GALNTL6: variants seen among roughly 807,000 people sequenced by gnomAD.
The protein encoded by GALNTL6 is polypeptide N-acetylgalactosaminyltransferase-like 6.
GALNTL6 carries 46 observed loss-of-function variants against 73.7 expected under a neutral mutation model. That is an observed-to-expected ratio of 0.62 (90% CI 0.49 to 0.80). The LOEUF is 0.80. Ranked by LOEUF, GALNTL6 falls within the 30% of genes least tolerant of loss-of-function variation. GALNTL6 has a pLI of 0.00. For synonymous variants in GALNTL6, 259 were observed against 263.7 expected (o/e 0.98, Z 0.17); for missense variants, 604 against 755.0 (o/e 0.80, Z 2.34).
chr4:172,037,052 TA>T (rs1741947094), intron 2 of GALNTL6, among the ~76,000 whole-genome samples: 1 of 152,128 alleles, frequency 6.6e-6, no homozygotes, highest in Admixed American at 6.6e-5. Flanking sequence ...ATTAGATGAT[TA>T]TACATTTCCT....
intron 7 of GALNTL6, among the ~76,000 whole-genome samples, chr4:172,839,020 C>A (rs542677675): frequency 6.6e-6 from 1 of 152,252 alleles, no homozygotes; most frequent in South Asian, 2.1e-4. Flanking sequence ...GACCAACTGG[C>A]TTTTTAATTT....
chr4:172,531,581 C>G (rs753314410), intron 5 of GALNTL6, among the ~76,000 whole-genome samples: 52 of 152,320 alleles, frequency 3.4e-4, no homozygotes, highest in Non-Finnish European at 6.2e-4. Flanking sequence ...GGACAACCCT[C>G]AAAAATTGCA....
chr4:172,178,700 A>G (rs1172949292), intron 2 of GALNTL6, among the ~76,000 whole-genome samples: 1 of 131,292 alleles, frequency 7.6e-6, no homozygotes, highest in African/African-American at 3.0e-5. Flanking sequence ...ACATGTGCAC[A>G]TTGTGCAGGT....
chr4:172,122,099 G>C (rs892066232), intron 2 of GALNTL6, among the ~76,000 whole-genome samples: 4 of 150,874 alleles, frequency 2.7e-5, no homozygotes, highest in Admixed American at 6.7e-5. Flanking sequence ...AGATTACATA[G>C]AGCAATTTTA....
chr4:171,965,379 G>T (rs1739354805), intron 2 of GALNTL6, among the ~76,000 whole-genome samples: 1 of 151,986 alleles, frequency 6.6e-6, no homozygotes, highest in East Asian at 1.9e-4. Context: ...AATGGGGGCT[G>T]GGGGCAGTGG....
intron 5 of GALNTL6, among the ~76,000 whole-genome samples, chr4:172,712,796 T>G (rs1734793833): frequency 6.6e-6 from 1 of 152,176 alleles, no homozygotes; most frequent in African/African-American, 2.4e-5. Flanking sequence ...TCATAATTAT[T>G]TGTTAAAAAG....
intron 2 of GALNTL6, among the ~76,000 whole-genome samples, chr4:172,039,910 G>A (rs950013981): frequency 2.6e-5 from 4 of 151,658 alleles, no homozygotes; most frequent in East Asian, 3.9e-4. Flanking sequence ...GCTTACTTTC[G>A]CTGTGAGAAA....
At chr4:171,995,412 C>A (rs555675172) in intron 2 of GALNTL6, among the ~76,000 whole-genome samples, 1 of 151,996 alleles carries the variant, frequency 6.6e-6, no homozygotes, top group African/African-American at 2.4e-5. Flanking sequence ...GTTTATTTTA[C>A]CGAAACTGAA....
intron 12 of GALNTL6, among the ~76,000 whole-genome samples, chr4:173,032,563 A>C (rs571616811): frequency 6.6e-6 from 1 of 151,996 alleles, no homozygotes; most frequent in Non-Finnish European, 1.5e-5. Context: ...GGCAGCACGC[A>C]TGTGGTCCCA....
chr4:172,317,582 A>C (rs1346751556), intron 4 of GALNTL6, among the ~76,000 whole-genome samples: 1 of 152,216 alleles, frequency 6.6e-6, no homozygotes, highest in Non-Finnish European at 1.5e-5. Flanking sequence ...TTTATTAGAA[A>C]GAATAGTTAT....
In GALNTL6 at chr4:173,011,600, T is replaced by A. The variant is rs554166376; in HGVS notation, c.1488+2306T>A. Among the ~76,000 whole-genome samples, 50 of 152,264 alleles carry A rather than the reference T, an allele frequency of 3.3e-4. 2 individuals carry two copies. The South Asian group carries it at 9.8e-3, about 30-fold the overall frequency. On this transcript the variant is annotated intron_variant, in intron 11 of 12. Coordinates refer to ENST00000506823, the MANE Select transcript of GALNTL6 (RefSeq NM_001034845.3). ...GATTACAGGCTTCTGCATGTGGATA[T>A]CCAGTTTTCCCAGCACCATTTATTA...
intron 3 of GALNTL6, among the ~76,000 whole-genome samples, chr4:172,309,265 A>C (rs959265287): frequency 2.0e-5 from 3 of 152,110 alleles, no homozygotes; most frequent in African/African-American, 7.2e-5. Flanking sequence ...AGAAACTAAG[A>C]AAAGAAAGAT....
At chr4:172,022,961 A>C (rs756419887) in intron 2 of GALNTL6, among the ~76,000 whole-genome samples, 1 of 152,014 alleles carries the variant, frequency 6.6e-6, no homozygotes, top group Non-Finnish European at 1.5e-5. Flanking sequence ...CACTGACTTT[A>C]GCTAGCTTTA....
intron 4 of GALNTL6, among the ~76,000 whole-genome samples, chr4:172,328,343 G>A (rs1188190762): frequency 6.6e-6 from 1 of 151,930 alleles, no homozygotes; most frequent in Non-Finnish European, 1.5e-5. Context: ...TTTTGCCCTT[G>A]GAAAATGTGA....
chr4:171,832,579 CA>C (rs953947773), intron 2 of GALNTL6, among the ~76,000 whole-genome samples: 4 of 149,284 alleles, frequency 2.7e-5, no homozygotes, highest in Non-Finnish European at 6.0e-5. Flanking sequence ...GAATACATTG[CA>C]AAAAAAAGTA....
At chr4:171,878,255 G>A (rs758325802) in intron 2 of GALNTL6, among the ~76,000 whole-genome samples, 1 of 152,134 alleles carries the variant, frequency 6.6e-6, no homozygotes, top group Non-Finnish European at 1.5e-5. Flanking sequence ...TGATTATGTT[G>A]GGGCAATATG....
intron 2 of GALNTL6, among the ~76,000 whole-genome samples, chr4:171,940,225 C>G (rs946904626): frequency 2.0e-5 from 3 of 151,870 alleles, no homozygotes; most frequent in Admixed American, 1.3e-4. Context: ...ATTGTGTCCT[C>G]AGAAAATACA....
chr4:172,488,473 G>A (rs949587870), intron 5 of GALNTL6, among the ~76,000 whole-genome samples: 2 of 152,102 alleles, frequency 1.3e-5, no homozygotes, highest in South Asian at 2.1e-4. Flanking sequence ...GCCATTAGCC[G>A]GAGCATATAA....
At chr4:172,522,670 C>A (rs58877326) in intron 5 of GALNTL6, among the ~76,000 whole-genome samples, 23 of 60,428 alleles carry the variant, frequency 3.8e-4, no homozygotes, top group African/African-American at 1.3e-3. Flanking sequence ...CTCAGTCCCC[C>A]CCCCCCCCAA....
Sources: allele counts gnomAD v4.1 joint callset (sites outside exome capture counted in the v4.1 genomes callset), GRCh38; gene constraint gnomAD v4.1.1; transcripts MANE v1.5; gene names NCBI Gene and HGNC (gene_info 2026-07-23, HGNC 2026-07-21).